The following DAGLA variants were observed in gnomAD, a reference collection of about 807,000 sequenced individuals.
The protein encoded by DAGLA is diacylglycerol lipase-alpha.
A neutral mutation model predicts 102.6 loss-of-function variants in DAGLA; 22 were observed. The ratio of observed to expected loss-of-function variants is 0.21; its 90% CI spans 0.15 to 0.31. The LOEUF is 0.31. DAGLA is among the 10% of genes least tolerant of loss of function. The pLI, the probability that DAGLA is intolerant of heterozygous loss-of-function variation, is 1.00. For missense variants in DAGLA, 927 were observed against 1,446.6 expected (o/e 0.64, Z 5.83); for synonymous variants, 578 against 628.9 (o/e 0.92, Z 1.21).
At chr11:61,681,424 G>A (rs1392988733) in intron 1 of DAGLA, among the ~76,000 whole-genome samples, 1 of 152,164 alleles carries the variant, frequency 6.6e-6, no homozygotes, top group Admixed American at 6.5e-5. Context: ...GAAGGGAGGG[G>A]TGGATGATTT....
intron 1 of DAGLA, among the ~76,000 whole-genome samples, chr11:61,711,034 T>C (rs2065190718): frequency 6.6e-6 from 1 of 152,160 alleles, no homozygotes; most frequent in Admixed American, 6.5e-5. Flanking sequence ...GTCAGCTCAT[T>C]GGATGGCCAC....
At chr11:61,693,413 A>G (rs1220716559) in intron 1 of DAGLA, among the ~76,000 whole-genome samples, 2 of 151,064 alleles carry the variant, frequency 1.3e-5, no homozygotes, top group Admixed American at 6.6e-5. Flanking sequence ...CAGTGGTGCA[A>G]TCTTGGCTTA....
At chr11:61,691,273 G>A (rs1217827043) in intron 1 of DAGLA, among the ~76,000 whole-genome samples, 1 of 152,204 alleles carries the variant, frequency 6.6e-6, no homozygotes, top group East Asian at 1.9e-4. Flanking sequence ...AAAGCAGCTG[G>A]AGCAGTGCAT....
At chr11:61,701,642 G>A (rs550141714) in intron 1 of DAGLA, among the ~76,000 whole-genome samples, 6 of 152,176 alleles carry the variant, frequency 3.9e-5, no homozygotes, top group African/African-American at 7.2e-5. Flanking sequence ...TCTCACATTC[G>A]AGGGAAGTTG....
chr11:61,683,429 G>C (rs886170450), intron 1 of DAGLA, among the ~76,000 whole-genome samples: 1 of 152,178 alleles, frequency 6.6e-6, no homozygotes, highest in African/African-American at 2.4e-5. Context: ...TACCTCCCCC[G>C]AGGAGTTGCT....
chr11:61,713,864 G>T (rs373879454), intron 1 of DAGLA, among the ~76,000 whole-genome samples: 1 of 152,166 alleles, frequency 6.6e-6, no homozygotes, highest in Non-Finnish European at 1.5e-5. Context: ...ATTCAAAATC[G>T]GATGGACCAC....
At chr11:61,712,675 G>A (rs573077692) in intron 1 of DAGLA, among the ~76,000 whole-genome samples, 6 of 152,270 alleles carry the variant, frequency 3.9e-5, no homozygotes, top group South Asian at 2.1e-4. Context: ...GGTGGCGCAC[G>A]TGGCCCCCAG....
Position 61,739,614 on chromosome 11 carries a change from C to T in DAGLA, c.1806C>T (p.Pro602=), listed in dbSNP as rs761894733. The T allele has an allele frequency of 4.3e-5, 69 of 1,614,038 alleles. No individual in the cohort carries two copies. The highest frequency in any genetic ancestry group is 1.4e-4 in the South Asian group (13 of 91,094). The change falls in exon 17 of 20, where the codon CCC becomes CCT. Residue 602 remains proline, a synonymous_variant. Coordinates refer to ENST00000257215, the MANE Select transcript of DAGLA (RefSeq NM_006133.3). ...ALSASTPLYP[P]GRIIHVVHNH... ...CAGCCAGCACTCCACTCTACCCGCC[C>T]GGCCGCATCATCCACGTGGTCCACA...
rs143355652 is a variant in DAGLA at position 61,686,350 on chromosome 11, C to T, written c.-45+5846C>T. On this transcript the variant is annotated intron_variant, in intron 1 of 19. Coordinates refer to ENST00000257215, the MANE Select transcript of DAGLA (RefSeq NM_006133.3). This position sits in a 1 kb window ranked among gnomAD's most constrained non-coding sequence, Gnocchi z 5.2. ...GGCGGGAGTGTGAACGGCAGGCTTT[C>T]AGGGCTGCCCTCGAGGCCGTTCCCA... Among the ~76,000 whole-genome samples the T allele has an allele frequency of 5.8e-3, 883 of 152,256 alleles. 3 individuals are homozygous for T. Among genetic ancestry groups the T allele is most frequent in the Non-Finnish European group, 9.4e-3 (641 of 68,008 alleles).
intron 1 of DAGLA, among the ~76,000 whole-genome samples, chr11:61,701,963 A>G (rs781216414): frequency 3.2e-4 from 48 of 152,026 alleles, no homozygotes; most frequent in Non-Finnish European, 6.0e-4. Flanking sequence ...TTTAATAAAG[A>G]CAGGTTCCCC....
At chr11:61,705,325 G>A (rs980930583) in intron 1 of DAGLA, among the ~76,000 whole-genome samples, 2 of 152,074 alleles carry the variant, frequency 1.3e-5, no homozygotes, top group South Asian at 2.1e-4. Context: ...CTTCACCCTC[G>A]CACCCACCTT....
At chr11:61,733,463 A>G (rs1233087978) in intron 9 of DAGLA, among the ~76,000 whole-genome samples, 2 of 152,220 alleles carry the variant, frequency 1.3e-5, no homozygotes, top group East Asian at 3.8e-4. Flanking sequence ...CACTCAGGTG[A>G]TGCTCTGAGT....
At chr11:61,688,378 G>T (rs2065001490) in intron 1 of DAGLA, among the ~76,000 whole-genome samples, 1 of 151,740 alleles carries the variant, frequency 6.6e-6, no homozygotes, top group South Asian at 2.1e-4. Flanking sequence ...TGGCATGAAG[G>T]CTGGGAATAC....
intron 4 of DAGLA, 56 bp downstream of exon 4, chr11:61,723,016 A>G (rs2135584466): frequency 7.5e-7 from 1 of 1,335,894 alleles, no homozygotes; most frequent in East Asian, 2.3e-5. Context: ...ACAGGGGACG[A>G]GATCAGTTTA....
chr11:61,737,631 G>A (rs961326791), intron 14 of DAGLA, 56 bp from the exon 15 acceptor site: 69 of 1,530,508 alleles, frequency 4.5e-5, no homozygotes, highest in East Asian at 9.0e-5. Flanking sequence ...CCCCGATTCC[G>A]GAACACCACC....
chr11:61,702,391 G>C (rs2065116162), intron 1 of DAGLA, among the ~76,000 whole-genome samples: 1 of 152,220 alleles, frequency 6.6e-6, no homozygotes, highest in South Asian at 2.1e-4. Context: ...AAGAAAGTGG[G>C]TGAGAAAGAT....
Position 61,735,655 on chromosome 11 carries a change from C to T in DAGLA, c.1212+11C>T. On this transcript the variant is annotated intron_variant, in intron 11 of 19. Coordinates refer to ENST00000257215, the MANE Select transcript of DAGLA (RefSeq NM_006133.3). Reference sequence around the variant, plus strand: ...ACCCTGTCCCCCAAGGTACGCTGCCCATGGCTCCCAGCCCCCGGGGGTGCC... The same window carrying T: ...ACCCTGTCCCCCAAGGTACGCTGCCTATGGCTCCCAGCCCCCGGGGGTGCC... 5 of 1,613,796 alleles carry T rather than the reference C, an allele frequency of 3.1e-6. No homozygotes were observed. Among genetic ancestry groups the T allele is most frequent in the Non-Finnish European group, 4.2e-6 (5 of 1,179,776 alleles).
chr11:61,742,007 A>G (rs951702569), intron 19 of DAGLA, among the ~76,000 whole-genome samples: 17 of 152,196 alleles, frequency 1.1e-4, no homozygotes, highest in Admixed American at 7.2e-4. Context: ...ATGTGCACAC[A>G]ATTATTAGTT....
Position 61,743,869 on chromosome 11 carries a change from C to T in DAGLA, c.2509C>T (p.Arg837Cys), listed in dbSNP as rs1439030471. 4 of 1,612,402 alleles carry T rather than the reference C, an allele frequency of 2.5e-6. No individual in the cohort carries two copies. The highest frequency in any genetic ancestry group is 1.7e-5 in the Admixed American group (1 of 60,012). The stretch of plus-strand genomic sequence containing the variant: ...CGAGGAAAACCCATCCCTGAGCTCG[C>T]GCACTGAGCTGCTGGCGGCCGACAG... ...IPEENPSLSS[R>C]TELLAADSLS... is the part of the protein sequence containing the mutation. The change falls in exon 20 of 20, where the codon CGC (arginine) becomes TGC (cysteine). Residue 837 changes from arginine to cysteine, a missense_variant. Physicochemically the swap from Arg to Cys is radical, Grantham distance 180. Transcript: ENST00000257215.
Sources: gnomAD v4.1 joint callset for allele counts (sites outside exome capture counted in the v4.1 genomes callset) on GRCh38, gnomAD v4.1.1 for gene constraint, Gnocchi (gnomAD v3.1) non-coding constraint, MANE v1.5 for transcripts, NCBI Gene and HGNC (gene_info 2026-07-23, HGNC 2026-07-21) for gene names.